NDST3: variants seen among roughly 807,000 people sequenced by gnomAD.
NDST3 encodes the protein bifunctional heparan sulfate N-deacetylase/N-sulfotransferase 3.
In NDST3, 58 loss-of-function variants were observed where a neutral mutation model predicts 96.1. That is an observed-to-expected ratio of 0.60 (90% CI 0.49 to 0.75). NDST3 has a LOEUF of 0.75. Among genes scored for constraint, NDST3 ranks in the 30% least tolerant of loss-of-function variants. The pLI, the probability that NDST3 is intolerant of heterozygous loss-of-function variation, is 0.00. For synonymous variants in NDST3, 333 were observed against 359.7 expected (o/e 0.93, Z 0.84); for missense variants, 788 against 1,034.2 (o/e 0.76, Z 3.27).
At chr4:118,085,764 A>C (rs1728370941) in intron 2 of NDST3, among the ~76,000 whole-genome samples, 1 of 152,220 alleles carries the variant, frequency 6.6e-6, no homozygotes, top group Non-Finnish European at 1.5e-5. Context: ...AAAAAACATA[A>C]CAGATACATA....
chr4:118,107,021 C>A (rs1019694575), intron 3 of NDST3, among the ~76,000 whole-genome samples: 2 of 152,132 alleles, frequency 1.3e-5, no homozygotes, highest in South Asian at 2.1e-4. Flanking sequence ...ACCCAGCAGG[C>A]GGAGCTTGCA....
rs555166164 is a variant in NDST3, at chr4:118,214,209, A to AAGTAAGTGG, written c.1540-10281_1540-10273dup. On this transcript the variant is annotated intron_variant, in intron 6 of 13. Coordinates refer to ENST00000296499, the MANE Select transcript of NDST3 (RefSeq NM_004784.3). ...GCACACTGGAATGGAAAGTAAAAGC[A>AAGTAAGTGG]AGTAAGTGGGAAAATATGAAGATGA... Among the ~76,000 whole-genome samples, 1,121 of 152,224 alleles carry AAGTAAGTGG rather than the reference A, an allele frequency of 7.4e-3. 9 individuals are homozygous for AAGTAAGTGG. The highest frequency in any genetic ancestry group is 0.031 in the Middle Eastern group (9 of 294).
intron 6 of NDST3, among the ~76,000 whole-genome samples, chr4:118,197,017 A>G: frequency 6.6e-6 from 1 of 151,282 alleles, no homozygotes; most frequent in Non-Finnish European, 1.5e-5. Flanking sequence ...TGTATTCCAT[A>G]CAACAAAATG....
At chr4:118,250,396 T>G (rs1560746992) in intron 12 of NDST3, among the ~76,000 whole-genome samples, 1 of 152,230 alleles carries the variant, frequency 6.6e-6, no homozygotes, top group African/African-American at 2.4e-5. Flanking sequence ...AATTTTAATT[T>G]GTATTTCCTT....
At chr4:118,091,799 G>A (rs1019216248) in intron 2 of NDST3, among the ~76,000 whole-genome samples, 4 of 151,602 alleles carry the variant, frequency 2.6e-5, no homozygotes, top group African/African-American at 9.7e-5. Flanking sequence ...CCAAAGTATT[G>A]TTGTGTATTT....
At chr4:118,144,830 A>G (rs1414535030) in intron 6 of NDST3, among the ~76,000 whole-genome samples, 1 of 152,146 alleles carries the variant, frequency 6.6e-6, no homozygotes, top group Admixed American at 6.5e-5. Flanking sequence ...CCTTAGTTTT[A>G]TAGTCCCTGC....
chr4:118,230,492 G>A (rs924506339), intron 8 of NDST3, among the ~76,000 whole-genome samples: 8 of 151,880 alleles, frequency 5.3e-5, no homozygotes, highest in Non-Finnish European at 1.0e-4. Context: ...GGAGAATGGC[G>A]TGAACCCGGC....
At position 118,255,306 on chromosome 4, in the gene NDST3, G is replaced by C. The variant is rs147884799; in HGVS notation, c.2503-287G>C. Among the ~76,000 whole-genome samples, 322 of 152,256 alleles carry C rather than the reference G, an allele frequency of 2.1e-3. 1 individual carries two copies. The highest frequency in any genetic ancestry group is 3.4e-3 in the Middle Eastern group (1 of 294). On this transcript the variant is annotated intron_variant, in intron 13 of 13. Coordinates refer to ENST00000296499, the MANE Select transcript of NDST3 (RefSeq NM_004784.3). ...TTGTGAAAATAATGTCCACAAAGCA[G>C]GTAAGAGTAAAGAGGTCTTCACAGA...
intron 2 of NDST3, among the ~76,000 whole-genome samples, chr4:118,070,614 G>A (rs1264547809): frequency 6.7e-6 from 1 of 148,290 alleles, no homozygotes; most frequent in African/African-American, 2.5e-5. Flanking sequence ...TCATCTATGT[G>A]TTCAACCCTC....
chr4:118,142,824 A>C (rs1017453841), intron 5 of NDST3, among the ~76,000 whole-genome samples: 1 of 152,202 alleles, frequency 6.6e-6, no homozygotes, highest in African/African-American at 2.4e-5. Flanking sequence ...GAAAAACCTT[A>C]TCACGAGTGT....
chr4:118,193,183 G>T (rs955816429), intron 6 of NDST3, among the ~76,000 whole-genome samples: 1 of 152,106 alleles, frequency 6.6e-6, no homozygotes. Context: ...ATATGTTCAT[G>T]TGCAATGGGG....
intron 1 of NDST3, among the ~76,000 whole-genome samples, chr4:118,046,189 C>A (rs999617707): frequency 6.6e-6 from 1 of 152,318 alleles, no homozygotes; most frequent in Middle Eastern, 3.4e-3. Flanking sequence ...GGAATAGGTT[C>A]ATGATGGGAC....
At chr4:118,155,431 GTCCAGGGTTGGT>G (rs1734656860) in intron 6 of NDST3, among the ~76,000 whole-genome samples, 1 of 152,158 alleles carries the variant, frequency 6.6e-6, no homozygotes, top group African/African-American at 2.4e-5. Context: ...ATACCATATT[GTCCAGGGTTGGT>G]TCTTGCCTTG....
chr4:118,211,827 T>G (rs1419976823), intron 6 of NDST3, among the ~76,000 whole-genome samples: 1 of 152,186 alleles, frequency 6.6e-6, no homozygotes, highest in African/African-American at 2.4e-5. Context: ...AACTGCCATG[T>G]ACTATAATAC....
In NDST3 at chr4:118,237,174, T is replaced by C. The variant is rs748025707; in HGVS notation, c.2072T>C (p.Ile691Thr). 1.2e-6 allele frequency: 2 copies of C among 1,613,518 alleles called. No homozygotes were observed. Among genetic ancestry groups the C allele is most frequent in the African/African-American group, 1.3e-5 (1 of 74,926 alleles). The change falls in exon 10 of 14, where the codon ATC becomes ACC. Residue 691 changes from isoleucine (I) to threonine (T), a missense_variant. Coordinates refer to ENST00000296499, the MANE Select transcript of NDST3 (RefSeq NM_004784.3). Reference protein sequence around the residue: ...AASLVPKAKIITILIDPSDRA... With the variant: ...AASLVPKAKITTILIDPSDRA... The stretch of plus-strand genomic sequence containing the variant: ...TCTCTGGTTCCCAAAGCCAAGATTA[T>C]CACCATTCTCATTGACCCTTCAGAC...
intron 4 of NDST3, among the ~76,000 whole-genome samples, chr4:118,125,880 T>A (rs1390335996): frequency 8.6e-5 from 13 of 152,046 alleles, no homozygotes; most frequent in Non-Finnish European, 2.9e-5. Context: ...AAATCTAAAT[T>A]CCCTAATCTA....
intron 4 of NDST3, among the ~76,000 whole-genome samples, chr4:118,116,214 C>T (rs1578667498): frequency 6.6e-6 from 1 of 152,134 alleles, no homozygotes; most frequent in African/African-American, 2.4e-5. Flanking sequence ...CAATGTTAAT[C>T]ACTAATAAAT....
In NDST3 at chr4:118,054,422, G is replaced by C; in HGVS notation, c.512G>C (p.Ser171Thr). 1 of 1,613,060 alleles carries C rather than the reference G, an allele frequency of 6.2e-7. No individual in the cohort carries two copies. The highest frequency in any genetic ancestry group is 1.1e-5 in the South Asian group (1 of 91,048). ...VIGFHKTSEK[S>T]VQSFQLKGFP... ...GGATTCCACAAAACTAGTGAGAAGA[G>C]TGTACAGAGCTTTCAGTTAAAAGGT... Residue 171 changes from serine to threonine, a missense_variant, in exon 2 of 14, where the codon AGT (serine) becomes ACT (threonine). By Grantham distance (58) the Ser-to-Thr change is moderately conservative (BLOSUM62 1). Around this residue, in one of 3 missense-constraint regions of NDST3, gnomAD observed 234 missense variants for 256.9 expected, o/e 0.91. Transcript: ENST00000296499.
At chr4:118,126,069 T>C (rs796886091) in intron 4 of NDST3, among the ~76,000 whole-genome samples, 3 of 152,180 alleles carry the variant, frequency 2.0e-5, no homozygotes, top group African/African-American at 4.8e-5. Flanking sequence ...CAGGTTCTTA[T>C]AAGCTGAATT....
Sources: gnomAD v4.1 joint callset for allele counts (sites outside exome capture counted in the v4.1 genomes callset) on GRCh38, gnomAD v4.1.1 for gene constraint, gnomAD v4.1.1 regional missense constraint, MANE v1.5 for transcripts, NCBI Gene and HGNC (gene_info 2026-07-23, HGNC 2026-07-21) for gene names.